The following QRFPR variants were observed in gnomAD, a reference collection of about 807,000 sequenced individuals.
The protein encoded by QRFPR is pyroglutamylated RF-amide peptide receptor.
QRFPR carries 37 observed loss-of-function variants against 31.3 expected under a neutral mutation model. The ratio of observed to expected loss-of-function variants is 1.18; its 90% CI spans 0.91 to 1.56. The LOEUF (loss-of-function observed/expected upper bound fraction) is 1.56. Among genes scored for constraint, QRFPR ranks in the 40% most tolerant of loss-of-function variants. The pLI, the probability that QRFPR is intolerant of heterozygous loss-of-function variation, is 0.00. For synonymous variants in QRFPR, 197 were observed against 192.0 expected (o/e 1.03, Z -0.22); for missense variants, 542 against 532.5 (o/e 1.02, Z -0.18).
chr4:121,340,108 CAAA>C (rs58311512), intron 2 of QRFPR: 121 of 131,864 alleles, frequency 9.2e-4, no homozygotes, highest in South Asian at 4.9e-3. Context: ...CACTCTGTCT[CAAA>C]AAAAAAAAAA....
intron 4 of QRFPR, among the ~76,000 whole-genome samples, chr4:121,331,622 CATTATTATTATTATT>C (rs59488750): frequency 4.2e-5 from 6 of 142,726 alleles, no homozygotes; most frequent in East Asian, 4.1e-4. Flanking sequence ...CTCATTATCT[CATTATTATTATTATT>C]ATTATTATTA....
chr4:121,355,171 T>A (rs1047066120), intron 1 of QRFPR, among the ~76,000 whole-genome samples: 1 of 152,128 alleles, frequency 6.6e-6, no homozygotes, highest in African/African-American at 2.4e-5. Flanking sequence ...AAGTGTTTGG[T>A]AGAATTCAGC....
chr4:121,370,024 T>A, intron 1 of QRFPR: 1 of 771,816 alleles, frequency 1.3e-6, no homozygotes, highest in Non-Finnish European at 2.4e-6. Flanking sequence ...TGTGATCACA[T>A]AATTCATGAC....
intron 1 of QRFPR, among the ~76,000 whole-genome samples, chr4:121,373,812 A>G (rs1341608492): frequency 6.6e-6 from 1 of 152,194 alleles, no homozygotes; most frequent in Non-Finnish European, 1.5e-5. Context: ...TCAGCTCTCA[A>G]TCTCTAAAAA....
intron 1 of QRFPR, among the ~76,000 whole-genome samples, chr4:121,359,431 A>G (rs1725936130): frequency 6.6e-6 from 1 of 152,064 alleles, no homozygotes; most frequent in South Asian, 2.1e-4. Context: ...AGCAGGCAGA[A>G]AAAACTTGAA....
At chr4:121,354,070 T>C (rs1288746814) in intron 1 of QRFPR, among the ~76,000 whole-genome samples, 1 of 152,108 alleles carries the variant, frequency 6.6e-6, no homozygotes, top group Non-Finnish European at 1.5e-5. Flanking sequence ...GGTCTATGTG[T>C]CTCTTTTTCA....
rs762428732 is a variant in QRFPR, at chr4:121,380,393, G to A, written c.255C>T (p.Cys85=). ...TGAGCAGGTCACTGAGCGCCAAGGA[G>A]CAGATAAAGATGTTGGTGACGGTGC... ...AMRTVTNIFI[C]SLALSDLLIT... Residue 85 remains cysteine, a synonymous_variant, in exon 1 of 6, where the codon TGC becomes TGT. Coordinates refer to ENST00000394427, the MANE Select transcript of QRFPR (RefSeq NM_198179.3). 1.9e-6 allele frequency: 3 copies of A among 1,614,226 alleles called. No homozygotes were observed. Among genetic ancestry groups the A allele is most frequent in the Non-Finnish European group, 2.5e-6 (3 of 1,180,040 alleles).
At chr4:121,368,425 C>T (rs1726167657) in intron 1 of QRFPR, among the ~76,000 whole-genome samples, 1 of 150,434 alleles carries the variant, frequency 6.6e-6, no homozygotes, top group South Asian at 2.1e-4. Context: ...AAATTAATCT[C>T]ACTTTAAAGT....
chr4:121,364,781 A>G (rs1234306427), intron 1 of QRFPR, among the ~76,000 whole-genome samples: 1 of 150,262 alleles, frequency 6.7e-6, no homozygotes, highest in East Asian at 2.0e-4. Flanking sequence ...TTTCTGGAGT[A>G]CTAGGATGTA....
At chr4:121,340,354 T>C in intron 2 of QRFPR, 98 bp downstream of exon 2, 1 of 1,298,570 alleles carries the variant, frequency 7.7e-7, no homozygotes. Context: ...TGCCTACAAG[T>C]TAGATAAGAA....
In QRFPR at chr4:121,332,944, A is replaced by G. The variant is rs779655405; in HGVS notation, c.674T>C (p.Leu225Pro). ...CAGAATAAGCATCACCATAAGAGGCAGGAGGAAGAGGATGACAAGGATGAA... is the reference window on the plus strand; with the variant it reads ...CAGAATAAGCATCACCATAAGAGGCGGGAGGAAGAGGATGACAAGGATGAA... ...TTFILVILFLLPLMVMLILYS... is the reference protein window; with the variant it reads ...TTFILVILFLPPLMVMLILYS... The change falls in exon 4 of 6, where the codon CTG becomes CCG. Residue 225 changes from leucine to proline, a missense_variant. Leu to Pro is a moderately conservative substitution (Grantham distance 98). Coordinates refer to ENST00000394427, the MANE Select transcript of QRFPR (RefSeq NM_198179.3). 4 of 1,613,930 alleles carry G rather than the reference A, an allele frequency of 2.5e-6. No homozygotes were observed. Among genetic ancestry groups the G allele is most frequent in the Non-Finnish European group, 3.4e-6 (4 of 1,179,918 alleles).
intron 2 of QRFPR, among the ~76,000 whole-genome samples, chr4:121,339,825 G>A (rs997815739): frequency 1.3e-5 from 2 of 151,956 alleles, no homozygotes; most frequent in African/African-American, 2.4e-5. Context: ...TGTGGTGGTG[G>A]GCACATGTGG....
intron 1 of QRFPR, among the ~76,000 whole-genome samples, chr4:121,369,185 T>C (rs946735402): frequency 8.5e-5 from 13 of 152,130 alleles, no homozygotes; most frequent in African/African-American, 3.1e-4. Context: ...CCCACCACCA[T>C]GCCCGGCTAA....
chr4:121,355,911 G>C (rs926216730), intron 1 of QRFPR, among the ~76,000 whole-genome samples: 3 of 151,988 alleles, frequency 2.0e-5, no homozygotes, highest in Non-Finnish European at 2.9e-5. Context: ...ATTCCATGGT[G>C]GTCAGAGAAG....
At chr4:121,346,353 C>T (rs147819076) in intron 1 of QRFPR, among the ~76,000 whole-genome samples, 1,714 of 152,314 alleles carry the variant, frequency 0.011, 16 homozygotes, top group Non-Finnish European at 0.018. Context: ...TGCCCCTCTT[C>T]CTGTATCATT....
rs2302310 is a variant in QRFPR at position 121,329,579 on chromosome 4, A to G, written c.1031T>C (p.Leu344Ser). The change falls in exon 6 of 6, where the codon TTG becomes TCG. Residue 344 changes from leucine (L) to serine (S), a missense_variant. Physicochemically the swap from Leu to Ser is moderately radical, Grantham distance 145 (BLOSUM62 -2). Transcript: ENST00000394427. ...FMNENFKKNV[L>S]SAVCYCIVNK... The stretch of plus-strand genomic sequence containing the variant: ...TACTATGCAATAACAAACTGCAGAC[A>G]AAACATTTTTTTTGAAGTTTTCATT... The G allele has an allele frequency of 0.2, 314,629 of 1,612,608 alleles. 38,723 individuals carry two copies. Among genetic ancestry groups the G allele is most frequent in the East Asian group, 0.6 (26,730 of 44,834 alleles).
chr4:121,339,908 T>C (rs1427933181), intron 2 of QRFPR, among the ~76,000 whole-genome samples: 3 of 151,680 alleles, frequency 2.0e-5, no homozygotes, highest in Non-Finnish European at 2.9e-5. Flanking sequence ...TGAGTTGTGA[T>C]CACACCACTG....
rs115315825 is a variant in QRFPR at position 121,375,024 on chromosome 4, G to A, written c.340+5284C>T. 6.8e-3 allele frequency among the ~76,000 whole-genome samples: 1,032 copies of A among 152,144 alleles called. 17 individuals carry two copies. The highest frequency in any genetic ancestry group is 0.023 in the African/African-American group (942 of 41,480). On this transcript the variant is annotated intron_variant, in intron 1 of 5. Coordinates refer to ENST00000394427, the MANE Select transcript of QRFPR (RefSeq NM_198179.3). ...CCACAGCAGGATGAAAGTGGATACA[G>A]AACCCAGCAGGATCCTAGCAAGGCC...
chr4:121,370,346 T>A, intron 1 of QRFPR: 1 of 752,560 alleles, frequency 1.3e-6, no homozygotes. Flanking sequence ...TTGAAGCCAT[T>A]GAAAGGCTGA....
Sources: allele counts gnomAD v4.1 joint callset (sites outside exome capture counted in the v4.1 genomes callset), GRCh38; gene constraint gnomAD v4.1.1; transcripts MANE v1.5; gene names NCBI Gene and HGNC (gene_info 2026-07-23, HGNC 2026-07-21).